The following SPATA16 variants were observed in gnomAD, a reference collection of about 807,000 sequenced individuals.
The protein encoded by SPATA16 is spermatogenesis associated 16, also known as spermatogenesis-associated protein 16.
SPATA16 carries 36 observed loss-of-function variants against 63.3 expected under a neutral mutation model. The observed-to-expected ratio is 0.57, with a 90% CI of 0.44 to 0.75. SPATA16 has a LOEUF of 0.75. SPATA16 is among the 30% of genes least tolerant of loss of function. SPATA16 has a pLI of 0.00. For missense variants in SPATA16, 646 were observed against 679.3 expected (o/e 0.95, Z 0.54); for synonymous variants, 203 against 216.7 (o/e 0.94, Z 0.56).
chr3:172,900,103 C>T (rs1732096702), intron 10 of SPATA16, among the ~76,000 whole-genome samples: 1 of 151,948 alleles, frequency 6.6e-6, no homozygotes, highest in South Asian at 2.1e-4. Context: ...TTAAGCTATT[C>T]TTTTTGGGTA....
intron 6 of SPATA16, among the ~76,000 whole-genome samples, chr3:172,929,722 T>C (rs965800439): frequency 6.6e-6 from 1 of 152,214 alleles, no homozygotes; most frequent in Non-Finnish European, 1.5e-5. Context: ...AACCAAAAAA[T>C]TGGACATCAA....
At chr3:172,966,544 C>T (rs1033872410) in intron 5 of SPATA16, among the ~76,000 whole-genome samples, 4 of 151,914 alleles carry the variant, frequency 2.6e-5, no homozygotes, top group South Asian at 2.1e-4. Context: ...CTGAGAAAAA[C>T]GAAATCATGC....
At chr3:173,127,544 A>G (rs1369958390) in intron 1 of SPATA16, among the ~76,000 whole-genome samples, 1 of 152,060 alleles carries the variant, frequency 6.6e-6, no homozygotes, top group Non-Finnish European at 1.5e-5. Context: ...CTTCCTTGAC[A>G]TTGCCAATTT....
intron 2 of SPATA16, among the ~76,000 whole-genome samples, chr3:173,061,610 T>A (rs898158193): frequency 1.3e-5 from 2 of 152,332 alleles, no homozygotes; most frequent in Admixed American, 6.5e-5. Flanking sequence ...TCAAGGGTAT[T>A]GCAATTAATA....
intron 3 of SPATA16, among the ~76,000 whole-genome samples, chr3:173,024,808 G>T (rs1260571405): frequency 6.7e-6 from 1 of 150,274 alleles, no homozygotes; most frequent in South Asian, 2.1e-4. Context: ...ATCAATATTT[G>T]TCCTCTCTGA....
intron 4 of SPATA16, among the ~76,000 whole-genome samples, chr3:173,005,315 T>G (rs1161117889): frequency 3.0e-5 from 4 of 133,248 alleles, no homozygotes; most frequent in Non-Finnish European, 6.2e-5. Context: ...AGAGCAAGAC[T>G]CTGTCTCAAA....
intron 6 of SPATA16, among the ~76,000 whole-genome samples, chr3:172,938,937 G>T (rs150490219): frequency 1.6e-4 from 24 of 148,496 alleles, no homozygotes; most frequent in African/African-American, 5.7e-4. Context: ...CTTCCTGAGG[G>T]GTCTGGAGGA....
In SPATA16 at chr3:172,981,165, G is replaced by A. The variant is rs1262252236; in HGVS notation, c.849-4113C>T. On this transcript the variant is annotated intron_variant, in intron 4 of 10. Coordinates refer to ENST00000351008, the MANE Select transcript of SPATA16 (RefSeq NM_031955.6). ...TGGTTTTCCTCCTATCTTTCTCGTT[G>A]CTGTTTTCATCCTCCCTTGCAGTTA... Among the ~76,000 whole-genome samples, 3 of 152,000 alleles carry A rather than the reference G, an allele frequency of 2.0e-5. No individual in the cohort carries two copies. The South Asian group carries it at 6.2e-4, about 32-fold the overall frequency.
intron 5 of SPATA16, among the ~76,000 whole-genome samples, chr3:172,975,106 T>C (rs1734123466): frequency 6.6e-6 from 1 of 152,138 alleles, no homozygotes; most frequent in Non-Finnish European, 1.5e-5. Flanking sequence ...ATATTAATGC[T>C]CTCTGAAAGC....
chr3:172,983,991 C>G (rs1054961470), intron 4 of SPATA16, among the ~76,000 whole-genome samples: 16 of 151,534 alleles, frequency 1.1e-4, no homozygotes, highest in Middle Eastern at 6.8e-3. Context: ...AAACCAGAAC[C>G]TTGTCCTTTT....
chr3:173,139,707 C>T (rs1165851536), intron 1 of SPATA16, among the ~76,000 whole-genome samples: 1 of 152,106 alleles, frequency 6.6e-6, no homozygotes, highest in African/African-American at 2.4e-5. Context: ...AAAGAATAGC[C>T]GGGCGTAGTG....
chr3:172,997,156 C>T (rs2108264062), intron 4 of SPATA16, among the ~76,000 whole-genome samples: 1 of 152,224 alleles, frequency 6.6e-6, no homozygotes, highest in African/African-American at 2.4e-5. Context: ...CCAAGGAGAA[C>T]AATTGTTGGA....
intron 10 of SPATA16, among the ~76,000 whole-genome samples, chr3:172,892,550 G>A (rs967015762): frequency 5.3e-5 from 8 of 152,132 alleles, no homozygotes; most frequent in Admixed American, 4.6e-4. Context: ...GTCAATTTTA[G>A]CTTCTATACT....
chr3:172,985,907 G>A (rs1734444245), intron 4 of SPATA16, among the ~76,000 whole-genome samples: 1 of 152,164 alleles, frequency 6.6e-6, no homozygotes, highest in Non-Finnish European at 1.5e-5. Flanking sequence ...TTCTATAGAT[G>A]CAAGGGACAA....
intron 6 of SPATA16, among the ~76,000 whole-genome samples, chr3:172,937,252 G>A (rs1483133657): frequency 6.6e-6 from 1 of 152,150 alleles, no homozygotes; most frequent in Non-Finnish European, 1.5e-5. Context: ...GGAGAGAAAG[G>A]ATGAAATGGT....
intron 4 of SPATA16, among the ~76,000 whole-genome samples, chr3:173,014,701 A>G (rs531794991): frequency 6.6e-6 from 1 of 152,364 alleles, no homozygotes; most frequent in African/African-American, 2.4e-5. Flanking sequence ...ACATTCCCAT[A>G]GAGCAACATT....
chr3:172,962,372 A>G (rs908207025), intron 5 of SPATA16, among the ~76,000 whole-genome samples: 9 of 151,916 alleles, frequency 5.9e-5, no homozygotes, highest in Admixed American at 4.6e-4. Flanking sequence ...AGAAACATCC[A>G]TGTTGGACTA....
rs879893599 is a variant in SPATA16 at position 172,953,311 on chromosome 3, GTCC to G, written c.1081+3363_1081+3365del. ...TGTAGATCCTCTTCTTGTCCTAAGG[GTCC>G]TGGCTTGCTGGAGAATGCAGCAAGG... On this transcript the variant is annotated intron_variant, in intron 6 of 10. Coordinates refer to ENST00000351008, the MANE Select transcript of SPATA16 (RefSeq NM_031955.6). 8.7e-3 allele frequency among the ~76,000 whole-genome samples: 1,328 copies of G among 152,220 alleles called. 15 individuals are homozygous for G. The highest frequency in any genetic ancestry group is 0.076 in the South Asian group (365 of 4,820).
chr3:173,006,230 G>A (rs771778225), intron 4 of SPATA16, among the ~76,000 whole-genome samples: 6 of 152,150 alleles, frequency 3.9e-5, no homozygotes, highest in Non-Finnish European at 5.9e-5. Context: ...GAACAGGAAA[G>A]CCACTTAGTG....
Sources: gnomAD v4.1 joint callset for allele counts (sites outside exome capture counted in the v4.1 genomes callset) on GRCh38, gnomAD v4.1.1 for gene constraint, MANE v1.5 for transcripts, NCBI Gene and HGNC (gene_info 2026-07-23, HGNC 2026-07-21) for gene names.